ADGRA3: variants seen among roughly 807,000 people sequenced by gnomAD.
ADGRA3 encodes the protein G-protein coupled receptor 125.
A neutral mutation model predicts 119.8 loss-of-function variants in ADGRA3; 56 were observed. The observed-to-expected ratio is 0.47, with a 90% CI of 0.38 to 0.58. The LOEUF (loss-of-function observed/expected upper bound fraction) is 0.58. ADGRA3 is among the 20% of genes least tolerant of loss of function. The pLI, the probability that ADGRA3 is intolerant of heterozygous loss-of-function variation, is 0.00. For missense variants in ADGRA3, 1,516 were observed against 1,649.0 expected (o/e 0.92, Z 1.40); for synonymous variants, 607 against 623.8 (o/e 0.97, Z 0.40).
chr4:22,389,217 C>G (rs1174072246), intron 17 of ADGRA3, 34 bp from the exon 18 acceptor site: 3 of 1,369,340 alleles, frequency 2.2e-6, no homozygotes, highest in Non-Finnish European at 3.1e-6. Flanking sequence ...AACCACTCAT[C>G]ATTCCATTTC....
At chr4:22,447,388 CAA>C (rs1316185920) in intron 5 of ADGRA3, 50 bp downstream of exon 5, 21 of 1,099,504 alleles carry the variant, frequency 1.9e-5, no homozygotes, top group Non-Finnish European at 2.6e-5. Context: ...TTTTAATTTT[CAA>C]AAAGACATGA....
intron 1 of ADGRA3, among the ~76,000 whole-genome samples, chr4:22,502,489 G>A (rs1719081931): frequency 6.6e-6 from 1 of 152,160 alleles, no homozygotes; most frequent in Non-Finnish European, 1.5e-5. Context: ...AAGAGGTAAG[G>A]AAATGAAGAG....
intron 4 of ADGRA3, among the ~76,000 whole-genome samples, chr4:22,450,947 A>ATATAT (rs1372386036): frequency 6.7e-5 from 9 of 134,278 alleles, no homozygotes; most frequent in African/African-American, 2.0e-4. Flanking sequence ...AAAAAAAAAA[A>ATATAT]AAAAATATAT....
At chr4:22,473,887 C>A (rs539720615) in intron 1 of ADGRA3, 44 bp from the exon 2 acceptor site, 2 of 1,149,706 alleles carry the variant, frequency 1.7e-6, no homozygotes. Flanking sequence ...ATATACACTA[C>A]CAATATCAAA....
intron 3 of ADGRA3, chr4:22,455,920 A>AAAGTGTGATGAATTAT: frequency 2.5e-6 from 2 of 790,382 alleles, no homozygotes; most frequent in Non-Finnish European, 3.6e-6. Context: ...GGAATAATTC[A>AAAGTGTGATGAATTAT]TCACACTTTG....
chr4:22,457,111 T>C (rs1044622763), intron 3 of ADGRA3, among the ~76,000 whole-genome samples: 20 of 152,206 alleles, frequency 1.3e-4, no homozygotes, highest in Non-Finnish European at 2.4e-4. Flanking sequence ...ATTACAGCTA[T>C]ACCTACTTAA....
intron 10 of ADGRA3, among the ~76,000 whole-genome samples, chr4:22,434,465 A>G (rs1716314585): frequency 6.6e-6 from 1 of 152,140 alleles, no homozygotes; most frequent in Admixed American, 6.6e-5. Flanking sequence ...GAAAACTCTT[A>G]TGGATGAGTC....
chr4:22,427,217 T>C (rs1053913271), intron 10 of ADGRA3, among the ~76,000 whole-genome samples: 4 of 152,238 alleles, frequency 2.6e-5, no homozygotes, highest in Admixed American at 2.0e-4. Context: ...CACAAAAATA[T>C]TGATTTTATT....
chr4:22,393,281 C>A, intron 16 of ADGRA3: 1 of 152,466 alleles, frequency 6.6e-6, no homozygotes, highest in Non-Finnish European at 1.5e-5. Flanking sequence ...TCCACCTCAG[C>A]CTCCAAAAGT....
chr4:22,474,445 C>G (rs1259019480), intron 1 of ADGRA3, among the ~76,000 whole-genome samples: 3 of 152,064 alleles, frequency 2.0e-5, no homozygotes, highest in Admixed American at 6.6e-5. Context: ...AAATTGAAAA[C>G]AAAAACTGAC....
At chr4:22,412,371 T>TGTA (rs1715241944) in intron 14 of ADGRA3, among the ~76,000 whole-genome samples, 1 of 152,190 alleles carries the variant, frequency 6.6e-6, no homozygotes, top group South Asian at 2.1e-4. Context: ...CACTTGCTCC[T>TGTA]GTACATTAAT....
At position 22,387,601 on chromosome 4, in the gene ADGRA3, T is replaced by G; in HGVS notation, c.*104A>C. ...AACTTCAAAGTTTATTCCAAATTCT[T>G]TTGAATCCCTATGGTGGCTGTAAAC... On this transcript the variant is annotated 3_prime_UTR_variant, in exon 19 of 19. Coordinates refer to ENST00000334304, the MANE Select transcript of ADGRA3 (RefSeq NM_145290.4). The G allele has an allele frequency of 9.1e-7, 1 of 1,097,298 alleles. No individual in the cohort carries two copies. The highest frequency in any genetic ancestry group is 1.3e-6 in the Non-Finnish European group (1 of 799,080). The allele number at this position is 1,097,298 out of a possible 1,614,324, so 68.0% of individuals were successfully genotyped here.
intron 1 of ADGRA3, among the ~76,000 whole-genome samples, chr4:22,487,471 A>C (rs1718470727): frequency 6.6e-6 from 1 of 152,102 alleles, no homozygotes; most frequent in Non-Finnish European, 1.5e-5. Flanking sequence ...TCAGGCAGTA[A>C]TGCTTGCTCA....
At chr4:22,461,652 C>G in intron 3 of ADGRA3, 85 bp downstream of exon 3, 2 of 957,940 alleles carry the variant, frequency 2.1e-6, no homozygotes, top group Non-Finnish European at 3.2e-6. Flanking sequence ...TATTAAATGT[C>G]CATTTTTCAT....
At chr4:22,409,161 T>C (rs1033813060) in intron 14 of ADGRA3, among the ~76,000 whole-genome samples, 3 of 152,188 alleles carry the variant, frequency 2.0e-5, no homozygotes, top group African/African-American at 4.8e-5. Context: ...CTTGTTCTTA[T>C]ACATTCTTTT....
intron 10 of ADGRA3, among the ~76,000 whole-genome samples, chr4:22,429,222 T>C (rs1015215622): frequency 6.6e-6 from 1 of 152,156 alleles, no homozygotes; most frequent in African/African-American, 2.4e-5. Context: ...CCCTAAGGTG[T>C]TACTGAAATA....
chr4:22,488,444 C>T (rs1718511351), intron 1 of ADGRA3, among the ~76,000 whole-genome samples: 1 of 151,934 alleles, frequency 6.6e-6, no homozygotes, highest in African/African-American at 2.4e-5. Flanking sequence ...TTTAACTCCC[C>T]AGATGAGCTC....
chr4:22,432,814 T>G (rs1716241814), intron 10 of ADGRA3, among the ~76,000 whole-genome samples: 1 of 152,210 alleles, frequency 6.6e-6, no homozygotes, highest in Admixed American at 6.5e-5. Flanking sequence ...CAGCTTGTGT[T>G]GGCCAGGCTC....
intron 2 of ADGRA3, among the ~76,000 whole-genome samples, chr4:22,465,825 C>T (rs1189282085): frequency 1.3e-5 from 2 of 152,130 alleles, no homozygotes; most frequent in African/African-American, 4.8e-5. Context: ...AACAGGTAAA[C>T]CAAACACACT....
Sources: allele counts gnomAD v4.1 joint callset (sites outside exome capture counted in the v4.1 genomes callset), GRCh38; gene constraint gnomAD v4.1.1; transcripts MANE v1.5; gene names NCBI Gene and HGNC (gene_info 2026-07-23, HGNC 2026-07-21).